SNX8: variants seen among roughly 807,000 people sequenced by gnomAD.
SNX8 encodes the protein sorting nexin-8.
In SNX8, 25 loss-of-function variants were observed where a neutral mutation model predicts 51.6. That is an observed-to-expected ratio of 0.48 (90% CI 0.35 to 0.68). The LOEUF (loss-of-function observed/expected upper bound fraction) is 0.68. SNX8 is among the 30% of genes least tolerant of loss of function. SNX8 has a pLI of 0.00. For missense variants in SNX8, 695 were observed against 624.0 expected (o/e 1.11, Z -1.21); for synonymous variants, 324 against 277.0 (o/e 1.17, Z -1.68).
At chr7:2,322,083 G>A (rs1046036017) in intron 1 of SNX8, among the ~76,000 whole-genome samples, 5 of 152,164 alleles carry the variant, frequency 3.3e-5, no homozygotes, top group Non-Finnish European at 5.9e-5. Flanking sequence ...TATCACGATG[G>A]TTAATCTGTT....
chr7:2,290,995 A>C (rs1050251194), intron 1 of SNX8, among the ~76,000 whole-genome samples: 6 of 152,246 alleles, frequency 3.9e-5, no homozygotes, highest in Non-Finnish European at 7.3e-5. Context: ...ACCTTGAAGC[A>C]AAGTATAAAC....
At chr7:2,274,057 C>A (rs1478248767) in intron 3 of SNX8, among the ~76,000 whole-genome samples, 10 of 152,370 alleles carry the variant, frequency 6.6e-5, no homozygotes, top group African/African-American at 2.2e-4. Flanking sequence ...AGTTTCCAGG[C>A]GCTGAACGCC....
At chr7:2,289,549 TG>T (rs775599968) in intron 1 of SNX8, among the ~76,000 whole-genome samples, 25 of 152,170 alleles carry the variant, frequency 1.6e-4, no homozygotes, top group Non-Finnish European at 2.2e-4. Context: ...TCCATCTAGA[TG>T]CTTTTCCCTT....
chr7:2,353,762 T>C (rs1779224473), intron 1 of SNX8, among the ~76,000 whole-genome samples: 1 of 152,110 alleles, frequency 6.6e-6, no homozygotes, highest in Non-Finnish European at 1.5e-5. Flanking sequence ...TATTTATTTA[T>C]TTAATTTTCG....
intron 3 of SNX8, among the ~76,000 whole-genome samples, chr7:2,274,298 G>C (rs1795723286): frequency 6.6e-6 from 1 of 152,282 alleles, no homozygotes; most frequent in Non-Finnish European, 1.5e-5. Flanking sequence ...TACGATTTCA[G>C]ATGCGGGGAA....
At chr7:2,335,124 A>T (rs1778802921) in intron 1 of SNX8, among the ~76,000 whole-genome samples, 2 of 151,852 alleles carry the variant, frequency 1.3e-5, no homozygotes. Flanking sequence ...TGAACCCTGA[A>T]GGCGGAGTTT....
At position 2,263,337 on chromosome 7, in the gene SNX8, G is replaced by C; in HGVS notation, c.808C>G (p.Leu270Val). 2 of 1,609,720 alleles carry C rather than the reference G, an allele frequency of 1.2e-6. No individual in the cohort carries two copies. Among genetic ancestry groups the C allele is most frequent in the Non-Finnish European group, 1.7e-6 (2 of 1,178,154 alleles). ...LSAIGSDTTP[L>V]PSWAALNSST... ...CTATTCAGAGCGGCCCAGGAGGGCA[G>C]CGGGGTCGTGTCAGACCCTATTGCA... Residue 270 changes from leucine (L) to valine (V), a missense_variant, in exon 7 of 11, where the codon CTG becomes GTG. Transcript: ENST00000222990.
intron 1 of SNX8, among the ~76,000 whole-genome samples, chr7:2,304,054 C>T (rs1207845164): frequency 1.3e-5 from 2 of 150,034 alleles, no homozygotes; most frequent in African/African-American, 4.9e-5. Context: ...GTAGTCCCAG[C>T]TACTCGGGAG....
intron 1 of SNX8, 66 bp downstream of exon 1, chr7:2,314,262 G>A (rs1285016566): frequency 1.7e-6 from 2 of 1,211,134 alleles, no homozygotes; most frequent in Non-Finnish European, 2.1e-6. Flanking sequence ...GCTGAGCCCC[G>A]TCCGCCGGGG....
At position 2,302,827 on chromosome 7, in the gene SNX8, G is replaced by A. The variant is rs868109166; in HGVS notation, c.94+11501C>T. 1.5e-3 allele frequency among the ~76,000 whole-genome samples: 223 copies of A among 148,606 alleles called. 2 individuals are homozygous for A. Among genetic ancestry groups the A allele is most frequent in the African/African-American group, 3.5e-3 (141 of 40,128 alleles). On this transcript the variant is annotated intron_variant, in intron 1 of 10. Transcript: ENST00000222990. ...TGGGAGGTGAGGAGCGTCTCTGCCCGGCCGCCCCGTCTGAGAAGTGAGGAG... is the reference window on the plus strand; with the variant it reads ...TGGGAGGTGAGGAGCGTCTCTGCCCAGCCGCCCCGTCTGAGAAGTGAGGAG...
chr7:2,326,527 G>C (rs185224111), intron 1 of SNX8, among the ~76,000 whole-genome samples: 5 of 151,510 alleles, frequency 3.3e-5, no homozygotes, highest in African/African-American at 1.2e-4. Flanking sequence ...TTAGCCGGGC[G>C]TGGTGGCGGG....
At position 2,255,144 on chromosome 7, in the gene SNX8, C is replaced by T. The variant is rs1795146430; in HGVS notation, c.1310G>A (p.Arg437Lys). The T allele has an allele frequency of 1.9e-6, 3 of 1,570,042 alleles. No individual in the cohort carries two copies. Among genetic ancestry groups the T allele is most frequent in the Admixed American group, 3.7e-5 (2 of 54,244 alleles). Residue 437 changes from arginine to lysine, a missense_variant, in exon 11 of 11, where the codon AGG becomes AAG. Transcript: ENST00000222990. ...CGCAAAGAGGCAGCTGAGCTTGGGCCTCAGGTCGTTCCACACCTTGCTCAT... is the reference window on the plus strand; with the variant it reads ...CGCAAAGAGGCAGCTGAGCTTGGGCTTCAGGTCGTTCCACACCTTGCTCAT... ...KEMSKVWNDLRPKLSCLFAGP... is the reference protein window; with the variant it reads ...KEMSKVWNDLKPKLSCLFAGP...
rs1795421151 is a variant in SNX8, at chr7:2,264,574, A to C, written c.622-116T>G. On this transcript the variant is annotated intron_variant, in intron 5 of 10. Coordinates refer to ENST00000222990, the MANE Select transcript of SNX8 (RefSeq NM_013321.4). ...GGGAGACACAGCAGGTCCATGAGCC[A>C]CCCCGGGAGCCCCACTCCTCCAGGC... 13 of 936,972 alleles carry C rather than the reference A, an allele frequency of 1.4e-5. No homozygotes were observed. The South Asian group carries it at 1.7e-4, about 12-fold the overall frequency. The allele number at this position is 936,972 out of a possible 1,614,324, so 58.0% of individuals were successfully genotyped here. A position where few individuals can be genotyped will look rare whatever the true frequency, so the allele number is the denominator to read the frequency against.
chr7:2,350,955 A>G lies in SNX8; in HGVS notation c.-66+3267T>C, dbSNP rs572846129. 2.0e-5 allele frequency among the ~76,000 whole-genome samples: 3 copies of G among 152,216 alleles called. No individual in the cohort carries two copies. The South Asian group carries it at 6.2e-4, about 32-fold the overall frequency. On this transcript the variant is annotated intron_variant, in intron 1 of 5. Transcript: ENST00000435336. The stretch of plus-strand genomic sequence containing the variant: ...AGCCACTGTGCCTCGCTCTCTAAAT[A>G]AACAATTTAAAAAATTAGCCGGGCA...
intron 4 of SNX8, 105 bp downstream of exon 4, chr7:2,271,745 C>T: frequency 3.7e-6 from 5 of 1,341,092 alleles, no homozygotes; most frequent in Non-Finnish European, 5.1e-6. Context: ...GGCGTCCAAA[C>T]AAGGGACCAG....
At chr7:2,322,261 G>T (rs977969713) in intron 1 of SNX8, among the ~76,000 whole-genome samples, 1 of 152,204 alleles carries the variant, frequency 6.6e-6, no homozygotes. Flanking sequence ...ATGCTGGTGT[G>T]GTGGCTCACG....
intron 7 of SNX8, among the ~76,000 whole-genome samples, chr7:2,262,636 A>T (rs1795364472): frequency 6.6e-6 from 1 of 152,182 alleles, no homozygotes; most frequent in East Asian, 1.9e-4. Context: ...CTGGAAGCCC[A>T]AGATCATCTT....
chr7:2,306,613 G>A (rs116057136), intron 1 of SNX8, among the ~76,000 whole-genome samples: 53 of 152,226 alleles, frequency 3.5e-4, no homozygotes, highest in Middle Eastern at 3.4e-3. Flanking sequence ...AAAATGTCAA[G>A]TGAAAGGAAC....
chr7:2,257,987 C>T (rs1400574127), intron 7 of SNX8, among the ~76,000 whole-genome samples, 184 bp from the exon 8 acceptor site: 2 of 151,696 alleles, frequency 1.3e-5, no homozygotes, highest in African/African-American at 4.8e-5. Flanking sequence ...ACCAGGCGGA[C>T]ACGCCTTCGA....
Sources: allele counts gnomAD v4.1 joint callset (sites outside exome capture counted in the v4.1 genomes callset), GRCh38; gene constraint gnomAD v4.1.1; transcripts MANE v1.5; gene names NCBI Gene and HGNC (gene_info 2026-07-23, HGNC 2026-07-21).